The following CDH13 variants were observed in gnomAD, a reference collection of about 807,000 sequenced individuals.
CDH13 encodes the protein cadherin 13.
A neutral mutation model predicts 63.8 loss-of-function variants in CDH13; 24 were observed. The ratio of observed to expected loss-of-function variants is 0.38; its 90% CI spans 0.27 to 0.53. CDH13 has a LOEUF of 0.53. CDH13 is among the 20% of genes least tolerant of loss of function. The pLI is 0.85. For missense variants in CDH13, 1,049 were observed against 903.1 expected, an observed-to-expected ratio of 1.16 and a Z score of -2.07; for synonymous variants, 503 against 355.3, an observed-to-expected ratio of 1.42 and a Z score of -4.67.
In CDH13 at chr16:83,527,245, G is replaced by T. The variant is rs141191117; in HGVS notation, c.960+40590G>T. 8.5e-3 allele frequency among the ~76,000 whole-genome samples: 1,295 copies of T among 151,944 alleles called. 18 individuals are homozygous for T. Among genetic ancestry groups the T allele is most frequent in the African/African-American group, 0.029 (1,208 of 41,440 alleles). On this transcript the variant is annotated intron_variant, in intron 7 of 13. Transcript: ENST00000567109. ...CAGGCAGATCACGAGGTCGGGAGAT[G>T]GAGACCATCCTAGCCAACACGGTGA...
At chr16:83,478,625 C>T (rs2073674108) in intron 6 of CDH13, among the ~76,000 whole-genome samples, 1 of 152,142 alleles carries the variant, frequency 6.6e-6, no homozygotes, top group South Asian at 2.1e-4. Flanking sequence ...GTTACAAAGC[C>T]AAATCTCCCA....
At chr16:82,989,220 A>G (rs953676124) in intron 2 of CDH13, among the ~76,000 whole-genome samples, 1 of 152,198 alleles carries the variant, frequency 6.6e-6, no homozygotes, top group Non-Finnish European at 1.5e-5. Flanking sequence ...AAAGACCTCA[A>G]GGAATGGGGC....
intron 1 of CDH13, among the ~76,000 whole-genome samples, chr16:82,820,714 G>C (rs1334051161): frequency 6.6e-6 from 1 of 152,178 alleles, no homozygotes; most frequent in Admixed American, 6.5e-5. Flanking sequence ...GTAAATGTGA[G>C]ACTCACACTA....
At chr16:83,630,505 A>G (rs1338814419) in intron 8 of CDH13, among the ~76,000 whole-genome samples, 6 of 152,198 alleles carry the variant, frequency 3.9e-5, no homozygotes, top group Admixed American at 2.0e-4. Flanking sequence ...TACAGGTCAT[A>G]AGTAGGTAAC....
intron 2 of CDH13, among the ~76,000 whole-genome samples, chr16:82,905,285 A>G (rs566442861): frequency 6.6e-6 from 1 of 152,350 alleles, no homozygotes; most frequent in South Asian, 2.1e-4. Flanking sequence ...CAACTTGCTC[A>G]GGTCACGCAG....
intron 8 of CDH13, among the ~76,000 whole-genome samples, chr16:83,611,297 A>C (rs915696265): frequency 1.3e-5 from 2 of 151,870 alleles, no homozygotes; most frequent in Non-Finnish European, 2.9e-5. Flanking sequence ...ATGTTGGTTG[A>C]TGGTTAATGT....
chr16:83,614,852 A>C (rs1212624522), intron 8 of CDH13, among the ~76,000 whole-genome samples: 1 of 152,128 alleles, frequency 6.6e-6, no homozygotes, highest in African/African-American at 2.4e-5. Flanking sequence ...CACAGTACCC[A>C]CTCCATCTCA....
At chr16:83,325,276 T>C (rs1441336071) in intron 5 of CDH13, among the ~76,000 whole-genome samples, 1 of 151,888 alleles carries the variant, frequency 6.6e-6, no homozygotes, top group African/African-American at 2.4e-5. Flanking sequence ...TATCTATCTG[T>C]TGAATGAATA....
intron 2 of CDH13, chr16:82,990,181 C>T (rs1202019855): frequency 6.6e-6 from 1 of 152,150 alleles, no homozygotes; most frequent in African/African-American, 2.4e-5. Context: ...GAGCCAACTG[C>T]CAATCATTCT....
chr16:82,917,914 C>CAAAAAAAAAAAAAAAA (rs34766700), intron 2 of CDH13, among the ~76,000 whole-genome samples: 7 of 45,952 alleles, frequency 1.5e-4, no homozygotes, highest in African/African-American at 4.8e-4. Flanking sequence ...GACTCCATGT[C>CAAAAAAAAAAAAAAAA]AAAAAAAAAA....
chr16:83,548,037 C>T (rs1265638972), intron 7 of CDH13, among the ~76,000 whole-genome samples: 1 of 152,030 alleles, frequency 6.6e-6, no homozygotes, highest in Non-Finnish European at 1.5e-5. Flanking sequence ...ATGATATATG[C>T]AGAGCTGAGT....
chr16:82,965,410 G>T (rs1246720857), intron 2 of CDH13, among the ~76,000 whole-genome samples: 1 of 152,126 alleles, frequency 6.6e-6, no homozygotes, highest in Non-Finnish European at 1.5e-5. Context: ...TTTTTCTTGT[G>T]ATTTAATCTT....
intron 5 of CDH13, among the ~76,000 whole-genome samples, chr16:83,269,463 G>C (rs2088729430): frequency 6.6e-6 from 1 of 152,138 alleles, no homozygotes; most frequent in African/African-American, 2.4e-5. Context: ...AAGATACAAA[G>C]ATGCAGTCTG....
At chr16:83,136,046 T>C (rs987785376) in intron 4 of CDH13, among the ~76,000 whole-genome samples, 1 of 151,308 alleles carries the variant, frequency 6.6e-6, no homozygotes, top group Non-Finnish European at 1.5e-5. Context: ...GGGAGAGGGA[T>C]AAAAGACTGT....
intron 1 of CDH13, among the ~76,000 whole-genome samples, chr16:82,772,911 G>C (rs1217204405): frequency 6.6e-6 from 1 of 152,188 alleles, no homozygotes; most frequent in African/African-American, 2.4e-5. Context: ...GGTTGCTTCA[G>C]TGGCCATCAG....
At chr16:82,803,409 C>T (rs544564366) in intron 1 of CDH13, among the ~76,000 whole-genome samples, 5 of 152,246 alleles carry the variant, frequency 3.3e-5, no homozygotes, top group Admixed American at 6.5e-5. Context: ...TCTTAGCATG[C>T]GAGGCTCAAA....
At chr16:83,539,398 G>A (rs551596382) in intron 7 of CDH13, among the ~76,000 whole-genome samples, 5 of 152,302 alleles carry the variant, frequency 3.3e-5, no homozygotes, top group South Asian at 2.1e-4. Context: ...CCTGCTGTGC[G>A]ACTCGGTTCC....
intron 6 of CDH13, among the ~76,000 whole-genome samples, chr16:83,459,743 C>G (rs1265413043): frequency 1.3e-5 from 2 of 152,142 alleles, no homozygotes; most frequent in Admixed American, 6.6e-5. Flanking sequence ...AACCAAATGA[C>G]TCAACTGCAT....
intron 1 of CDH13, among the ~76,000 whole-genome samples, chr16:82,703,943 A>G (rs910305625): frequency 5.9e-5 from 9 of 152,150 alleles, no homozygotes; most frequent in Middle Eastern, 3.2e-3. Context: ...ACTCCTTTGC[A>G]TTCAGCTTTG....
Sources: allele counts gnomAD v4.1 joint callset (sites outside exome capture counted in the v4.1 genomes callset), GRCh38; gene constraint gnomAD v4.1.1; transcripts MANE v1.5; gene names NCBI Gene and HGNC (gene_info 2026-07-23, HGNC 2026-07-21).